Variants in VPS13B observed in about 807,000 individuals in gnomAD.
VPS13B encodes intermembrane lipid transfer protein VPS13B.
A neutral mutation model predicts 426.4 loss-of-function variants in VPS13B; 285 were observed. The observed-to-expected ratio is 0.67, with a 90% CI of 0.61 to 0.74. The LOEUF is 0.74. Among genes scored for constraint, VPS13B ranks in the 30% least tolerant of loss-of-function variants. VPS13B has a pLI of 0.00. For missense variants in VPS13B, 4,537 were observed against 4,782.6 expected (o/e 0.95, Z 1.51); for synonymous variants, 1,676 against 1,676.4 (o/e 1.00, Z 0.01).
intron 30 of VPS13B, among the ~76,000 whole-genome samples, chr8:99,525,396 A>G (rs1019080855): frequency 6.6e-6 from 1 of 152,180 alleles, no homozygotes; most frequent in African/African-American, 2.4e-5. Flanking sequence ...GAAAACTCCT[A>G]GGGCACATGG....
chr8:99,664,430 TA>T (rs1830377082), intron 35 of VPS13B, among the ~76,000 whole-genome samples: 1 of 152,068 alleles, frequency 6.6e-6, no homozygotes, highest in Non-Finnish European at 1.5e-5. Flanking sequence ...ACTCGTCATT[TA>T]ACATTAGATA....
At chr8:99,869,833 T>TA (rs1303901394) in intron 59 of VPS13B, among the ~76,000 whole-genome samples, 1 of 152,242 alleles carries the variant, frequency 6.6e-6, no homozygotes, top group East Asian at 1.9e-4. Context: ...CACTAACTCT[T>TA]AGTCTAATGA....
Position 99,809,517 on chromosome 8 carries a change from G to GA in VPS13B, c.8085dup (p.Val2696SerfsTer15). ...ATCATCAAGGTTCAGCAACTCAATGGAGTACAAAAACAGGTAAGTTTCTTT... is the reference window on the plus strand; with the variant it reads ...ATCATCAAGGTTCAGCAACTCAATGGAAGTACAAAAACAGGTAAGTTTCTTT... On this transcript the variant is annotated frameshift_variant, in exon 44 of 62. Coordinates refer to ENST00000357162, the MANE Select transcript of VPS13B (RefSeq NM_152564.5). LOFTEE classifies it high-confidence loss of function. 1 of 1,614,004 alleles carries GA rather than the reference G, an allele frequency of 6.2e-7. No homozygotes were observed. The highest frequency in any genetic ancestry group is 8.5e-7 in the Non-Finnish European group (1 of 1,179,940).
chr8:99,861,994 G>T, intron 58 of VPS13B, 48 bp downstream of exon 58: 1 of 1,536,206 alleles, frequency 6.5e-7, no homozygotes, highest in African/African-American at 1.4e-5. Flanking sequence ...AGCAGGCTGA[G>T]ATGCAGGGTC....
chr8:99,381,050 C>T (rs1813771995), intron 19 of VPS13B, among the ~76,000 whole-genome samples: 1 of 152,036 alleles, frequency 6.6e-6, no homozygotes, highest in Non-Finnish European at 1.5e-5. Context: ...CCTTCTCCCA[C>T]CCTTCACCCT....
At chr8:99,569,460 A>T (rs1825366115) in intron 31 of VPS13B, among the ~76,000 whole-genome samples, 1 of 151,652 alleles carries the variant, frequency 6.6e-6, no homozygotes, top group South Asian at 2.1e-4. Flanking sequence ...AAAAAAAAAA[A>T]GAAAAAAGAA....
intron 3 of VPS13B, among the ~76,000 whole-genome samples, chr8:99,089,488 C>G (rs2132407913): frequency 6.6e-6 from 1 of 152,190 alleles, no homozygotes; most frequent in East Asian, 1.9e-4. Context: ...CAATATATAT[C>G]AAATGTACAT....
chr8:99,067,419 C>A (rs990500998), intron 3 of VPS13B, among the ~76,000 whole-genome samples: 4 of 152,194 alleles, frequency 2.6e-5, no homozygotes, highest in Non-Finnish European at 5.9e-5. Context: ...CGCATGATCT[C>A]ACTCATAGGT....
At position 99,875,679 on chromosome 8, in the gene VPS13B, G is replaced by A. The variant is rs1199654829; in HGVS notation, c.*13G>A. ...AGGGTTTCCTTGAGTCCCCTCTGAG[G>A]TGTTTATTCCTGCTTGTGTGATTTA... On this transcript the variant is annotated 3_prime_UTR_variant, in exon 62 of 62. Coordinates refer to ENST00000357162, the MANE Select transcript of VPS13B (RefSeq NM_152564.5). 1 of 1,613,792 alleles carries A rather than the reference G, an allele frequency of 6.2e-7. No homozygotes were observed. The highest frequency in any genetic ancestry group is 2.2e-5 in the East Asian group (1 of 44,880).
At chr8:99,520,219 C>T (rs1231826527) in intron 29 of VPS13B, among the ~76,000 whole-genome samples, 1 of 151,966 alleles carries the variant, frequency 6.6e-6, no homozygotes, top group Non-Finnish European at 1.5e-5. Flanking sequence ...GTCTGGGGTT[C>T]CAATTTCTAA....
intron 30 of VPS13B, among the ~76,000 whole-genome samples, chr8:99,551,497 G>C (rs1824281062): frequency 6.6e-6 from 1 of 151,736 alleles, no homozygotes; most frequent in Admixed American, 6.6e-5. Flanking sequence ...TATTATGTTT[G>C]GATTTTTATT....
At chr8:99,670,788 C>T (rs1385772837) in intron 35 of VPS13B, among the ~76,000 whole-genome samples, 1 of 152,076 alleles carries the variant, frequency 6.6e-6, no homozygotes, top group East Asian at 1.9e-4. Context: ...TCAAGTTCAT[C>T]CATGTTGTCT....
At chr8:99,235,019 C>T (rs568162146) in intron 17 of VPS13B, among the ~76,000 whole-genome samples, 3 of 152,136 alleles carry the variant, frequency 2.0e-5, no homozygotes, top group Non-Finnish European at 4.4e-5. Flanking sequence ...ACCTTACTTT[C>T]TCAGTAATCT....
At chr8:99,427,715 G>A (rs1036883280) in intron 21 of VPS13B, among the ~76,000 whole-genome samples, 26 of 151,320 alleles carry the variant, frequency 1.7e-4, no homozygotes, top group African/African-American at 5.8e-4. Flanking sequence ...TACTGCCCAA[G>A]GTAATTTATA....
At chr8:99,648,895 C>CT (rs1829696386) in intron 34 of VPS13B, among the ~76,000 whole-genome samples, 1 of 151,712 alleles carries the variant, frequency 6.6e-6, no homozygotes, top group African/African-American at 2.4e-5. Flanking sequence ...TTTTGCATTT[C>CT]TTTTAGAGCA....
rs1212084620 is a variant in VPS13B at position 99,784,359 on chromosome 8, G to C, written c.7824G>C (p.Val2608=). 1 of 1,613,580 alleles carries C rather than the reference G, an allele frequency of 6.2e-7. No individual in the cohort carries two copies. Among genetic ancestry groups the C allele is most frequent in the African/African-American group, 1.3e-5 (1 of 74,872 alleles). Reference sequence around the variant, plus strand: ...AGGAGTTGGTCTTCAGCCATTTTGTGATCTGTAATGACACACAGGAGACAC... The same window carrying C: ...AGGAGTTGGTCTTCAGCCATTTTGTCATCTGTAATGACACACAGGAGACAC... ...EVEELVFSHF[V]ICNDTQETLR... is the part of the protein sequence containing the mutation. Residue 2608 remains valine (V), a synonymous_variant, in exon 43 of 62, where the codon GTG becomes GTC. Coordinates refer to ENST00000357162, the MANE Select transcript of VPS13B (RefSeq NM_152564.5).
At chr8:99,212,285 C>T (rs542373847) in intron 17 of VPS13B, among the ~76,000 whole-genome samples, 1 of 152,340 alleles carries the variant, frequency 6.6e-6, no homozygotes, top group Admixed American at 6.5e-5. Flanking sequence ...TCACCTCTCT[C>T]CTTCTATACT....
chr8:99,605,169 C>G (rs889209733), intron 33 of VPS13B, among the ~76,000 whole-genome samples: 3 of 152,144 alleles, frequency 2.0e-5, no homozygotes, highest in Admixed American at 6.6e-5. Flanking sequence ...AGGGAAAACC[C>G]ATGACTGACC....
chr8:99,419,254 CT>C (rs1816246131), intron 21 of VPS13B, among the ~76,000 whole-genome samples: 1 of 152,170 alleles, frequency 6.6e-6, no homozygotes, highest in Non-Finnish European at 1.5e-5. Flanking sequence ...GAAGAAGGTC[CT>C]TGCTTCCCCT....
Sources: allele counts gnomAD v4.1 joint callset (sites outside exome capture counted in the v4.1 genomes callset), GRCh38; gene constraint gnomAD v4.1.1; transcripts MANE v1.5; gene names NCBI Gene and HGNC (gene_info 2026-07-23, HGNC 2026-07-21).